Variants in CAND2 observed in about 807,000 individuals in gnomAD.
CAND2 encodes cullin-associated NEDD8-dissociated protein 2.
Under a neutral mutation model 98.9 loss-of-function variants are expected in CAND2, and 62 were observed. The ratio of observed to expected loss-of-function variants is 0.63; its 90% CI spans 0.51 to 0.77. CAND2 has a LOEUF of 0.77. Ranked by LOEUF, CAND2 falls within the 30% of genes least tolerant of loss-of-function variation. The pLI is 0.00. For synonymous variants in CAND2, 770 were observed against 731.9 expected, an observed-to-expected ratio of 1.05 and a Z score of -0.84; for missense variants, 1,501 against 1,655.2, an observed-to-expected ratio of 0.91 and a Z score of 1.62.
rs772112640 is a variant in CAND2 at position 12,816,704 on chromosome 3, C to T, written c.1772C>T (p.Ala591Val). The T allele has an allele frequency of 1.2e-6, 2 of 1,613,550 alleles. No homozygotes were observed. The highest frequency in any genetic ancestry group is 2.7e-5 in the African/African-American group (2 of 74,936). ...CTGGACCAGGAGGTGAAGGAGCGGG[C>T]CATTTCCTGCATGGGCCACCTTGTA... ...TDLDQEVKER[A>V]ISCMGHLVGH... The change falls in exon 10 of 15, where the codon GCC becomes GTC. Residue 591 changes from alanine (A) to valine (V), a missense_variant. Around this residue, in one of 3 missense-constraint regions of CAND2, gnomAD observed 1,427 missense variants for 1,545.3 expected, o/e 0.92. Transcript: ENST00000456430.
chr3:12,816,152 C>T, intron 9 of CAND2, 144 bp downstream of exon 9: 3 of 886,344 alleles, frequency 3.4e-6, no homozygotes, highest in Non-Finnish European at 5.2e-6. Context: ...CCAGTGGCCT[C>T]CCACTACCAG....
chr3:12,816,545 C>T lies in CAND2; in HGVS notation c.1613C>T (p.Ala538Val), dbSNP rs759234744. The change falls in exon 10 of 15, where the codon GCA becomes GTA. Residue 538 changes from alanine (A) to valine (V), a missense_variant. Physicochemically the swap from Ala to Val is moderately conservative, Grantham distance 64 (BLOSUM62 0). Around this residue, in one of 3 missense-constraint regions of CAND2, gnomAD observed 1,427 missense variants for 1,545.3 expected, o/e 0.92. Coordinates refer to ENST00000456430, the MANE Select transcript of CAND2 (RefSeq NM_001162499.2). ...GTGGCTGACTCTTTCTACAAGATTG[C>T]AGCCGAGGCCCTGGTGGTGCTGCAG... ...ACVADSFYKI[A>V]AEALVVLQEL... 1.9e-6 allele frequency: 3 copies of T among 1,613,852 alleles called. No individual in the cohort carries two copies. Among genetic ancestry groups the T allele is most frequent in the African/African-American group, 1.3e-5 (1 of 74,936 alleles).
intron 1 of CAND2, among the ~76,000 whole-genome samples, chr3:12,803,012 C>G (rs1351298286): frequency 8.1e-6 from 1 of 123,962 alleles, no homozygotes; most frequent in Admixed American, 9.2e-5. Flanking sequence ...TTTTTGGAGA[C>G]GGAGTCTCTC....
At position 12,830,103 on chromosome 3, in the gene CAND2, T is replaced by TG. The variant is rs1457917680; in HGVS notation, c.3376-1360dup. 9.9e-5 allele frequency among the ~76,000 whole-genome samples: 15 copies of TG among 152,244 alleles called. No homozygotes were observed. In the East Asian group the frequency reaches 2.7e-3, roughly 27 times the overall value. ...GGCGTGCCTCTGACCACTCCAGACT[T>TG]GGAGTTCCTGGGACGCTCCTTCCTG... On this transcript the variant is annotated intron_variant, in intron 13 of 14. Coordinates refer to ENST00000456430, the MANE Select transcript of CAND2 (RefSeq NM_001162499.2).
In CAND2 at chr3:12,810,871, T is replaced by C. The variant is rs1029146419; in HGVS notation, c.757+547T>C. On this transcript the variant is annotated intron_variant, in intron 5 of 14. Transcript: ENST00000456430. The stretch of plus-strand genomic sequence containing the variant: ...TGTGTATATCCGTGAAACCTTTCCA[T>C]CACCCCCAAAAGCTTCCTTGTGTCC... 1.3e-5 allele frequency among the ~76,000 whole-genome samples: 2 copies of C among 152,248 alleles called. 1 individual carries two copies. Among genetic ancestry groups the C allele is most frequent in the South Asian group, 4.1e-4 (2 of 4,834 alleles).
At position 12,796,774 on chromosome 3, in the gene CAND2, C is replaced by T; in HGVS notation, c.54C>T (p.Ser18=). ...GCCTCCTGGAGAAGATGACGTCCAG[C>T]GACAAGGACTTCAGGTGCAGCCCGC... ...ISSLLEKMTS[S]DKDFRFMATS... is the part of the protein sequence containing the mutation. Residue 18 remains serine (S), a synonymous_variant, in exon 1 of 15, where the codon AGC becomes AGT. Coordinates refer to ENST00000456430, the MANE Select transcript of CAND2 (RefSeq NM_001162499.2). 1.3e-6 allele frequency: 2 copies of T among 1,588,706 alleles called. No homozygotes were observed. The highest frequency in any genetic ancestry group is 3.5e-5 in the Admixed American group (2 of 57,058).
At chr3:12,803,276 G>A (rs2061779923) in intron 1 of CAND2, among the ~76,000 whole-genome samples, 1 of 152,216 alleles carries the variant, frequency 6.6e-6, no homozygotes, top group Non-Finnish European at 1.5e-5. Flanking sequence ...ACAGGCGTGA[G>A]CCATTGCGCC....
Position 12,796,751 on chromosome 3 carries a change from C to T in CAND2, c.31C>T (p.Leu11Phe). 6.3e-7 allele frequency: 1 copy of T among 1,590,280 alleles called. No individual in the cohort carries two copies. Among genetic ancestry groups the T allele is most frequent in the Non-Finnish European group, 8.6e-7 (1 of 1,168,346 alleles). ...CACCGCCGCCTTCCACATCTCCAGC[C>T]TCCTGGAGAAGATGACGTCCAGCGA... MSTAAFHISSLLEKMTSSDKD... is the reference protein window; with the variant it reads MSTAAFHISSFLEKMTSSDKD... The change falls in exon 1 of 15, where the codon CTC becomes TTC. Residue 11 changes from leucine (L) to phenylalanine (F), a missense_variant. By Grantham distance (22) the Leu-to-Phe change is conservative (BLOSUM62 0). This residue lies in a region of CAND2 where 62 missense variants were observed against 77.3 expected (regional missense o/e 0.80). Transcript: ENST00000456430.
At chr3:12,827,077 C>T (rs1290246243) in intron 12 of CAND2, among the ~76,000 whole-genome samples, 2 of 151,986 alleles carry the variant, frequency 1.3e-5, no homozygotes, top group African/African-American at 4.8e-5. Context: ...ATGATCCGCC[C>T]GCCTTGGCCT....
chr3:12,806,941 T>C (rs1185742275), intron 2 of CAND2, among the ~76,000 whole-genome samples: 1 of 151,938 alleles, frequency 6.6e-6, no homozygotes, highest in East Asian at 1.9e-4. Context: ...ATGCACACTA[T>C]CAGGCCACAC....
In CAND2 at chr3:12,799,021, C is replaced by G. The variant is rs543021055; in HGVS notation, c.68+2233C>G. Among the ~76,000 whole-genome samples the G allele has an allele frequency of 2.0e-3, 298 of 152,270 alleles. 1 individual carries two copies. Among genetic ancestry groups the G allele is most frequent in the African/African-American group, 6.6e-3 (276 of 41,560 alleles). On this transcript the variant is annotated intron_variant, in intron 1 of 14. Transcript: ENST00000456430. ...TTATGGGCAGGAGGTGCCCCATTAC[C>G]ACGGAGGCTCCAGCAGTCAAAACGA...
intron 7 of CAND2, 109 bp downstream of exon 7, chr3:12,813,497 A>G: frequency 8.9e-7 from 1 of 1,123,764 alleles, no homozygotes. Context: ...TCCTGATGCC[A>G]GCTCTTTCTC....
intron 2 of CAND2, among the ~76,000 whole-genome samples, chr3:12,804,789 T>G (rs1043882005): frequency 6.6e-6 from 1 of 152,182 alleles, no homozygotes; most frequent in African/African-American, 2.4e-5. Context: ...CTCAAACCAC[T>G]GTCTGTGAGC....
chr3:12,816,832 C>T lies in CAND2; in HGVS notation c.1900C>T (p.Leu634Phe). 1 of 1,613,794 alleles carries T rather than the reference C, an allele frequency of 6.2e-7. No individual in the cohort carries two copies. Among genetic ancestry groups the T allele is most frequent in the Non-Finnish European group, 8.5e-7 (1 of 1,180,042 alleles). ...CACCCGGCTGCCCGCCATCAAGGCG[C>T]TTACGCTGGTGGCCGTATCCCCACT... ...EITRLPAIKA[L>F]TLVAVSPLQL... is the part of the protein sequence containing the mutation. The change falls in exon 10 of 15, where the codon CTT becomes TTT. Residue 634 changes from leucine (L) to phenylalanine (F), a missense_variant. By Grantham distance (22) the Leu-to-Phe change is conservative (BLOSUM62 0). This residue lies in a region of CAND2 where 1,427 missense variants were observed against 1,545.3 expected (regional missense o/e 0.92). Transcript: ENST00000456430.
In CAND2 at chr3:12,815,795, C is replaced by T. The variant is rs2061893958; in HGVS notation, c.1300-72C>T. 1 of 1,465,526 alleles carries T rather than the reference C, an allele frequency of 6.8e-7. No homozygotes were observed. The highest frequency in any genetic ancestry group is 1.2e-5 in the South Asian group (1 of 82,160). 90.8% of individuals were successfully genotyped at this position (1,465,526 alleles called of 1,614,324 possible). A position where few individuals can be genotyped will look rare whatever the true frequency, so the allele number is the denominator to read the frequency against. On this transcript the variant is annotated intron_variant, in intron 8 of 14. Transcript: ENST00000456430. This position sits in a 1 kb window ranked among gnomAD's most constrained non-coding sequence, Gnocchi z 5.7. ...CTCCCTGGGGATGTGTCTGGCAAAG[C>T]CTCCTGGTAGTGGGCAGGTGGGTAG...
At chr3:12,808,514 C>T (rs946217422) in intron 4 of CAND2, among the ~76,000 whole-genome samples, 181 bp downstream of exon 4, 3 of 152,160 alleles carry the variant, frequency 2.0e-5, no homozygotes, top group Admixed American at 1.3e-4. Flanking sequence ...AGAGATGATG[C>T]GGTCAGTAAA....
chr3:12,825,347 A>G lies in CAND2; in HGVS notation c.3041-123A>G. Reference sequence around the variant, plus strand: ...CTGGCACAAAGTAGATGCTCACCACACCCAGCTTACCCCCATTCAGCCAGT... The same window carrying G: ...CTGGCACAAAGTAGATGCTCACCACGCCCAGCTTACCCCCATTCAGCCAGT... On this transcript the variant is annotated intron_variant, in intron 11 of 14. Coordinates refer to ENST00000456430, the MANE Select transcript of CAND2 (RefSeq NM_001162499.2). 7.7e-6 allele frequency: 7 copies of G among 904,606 alleles called. No individual in the cohort carries two copies. The South Asian group carries it at 1.2e-4, about 15-fold the overall frequency. 56.0% of individuals were successfully genotyped at this position (904,606 alleles called of 1,614,324 possible).
At chr3:12,810,508 C>T (rs1476755395) in intron 5 of CAND2, among the ~76,000 whole-genome samples, 184 bp downstream of exon 5, 2 of 151,918 alleles carry the variant, frequency 1.3e-5, no homozygotes, top group Non-Finnish European at 2.9e-5. Context: ...CTGGGGCGGG[C>T]GGCTGAAGCC....
chr3:12,817,630 C>T lies in CAND2; in HGVS notation c.2698C>T (p.Leu900=). The change falls in exon 10 of 15, where the codon CTG becomes TTG. Residue 900 remains leucine (L), a synonymous_variant. Coordinates refer to ENST00000456430, the MANE Select transcript of CAND2 (RefSeq NM_001162499.2). ...AGSLPDFLPF[L]LEQIEAEPRR... Reference sequence around the variant, plus strand: ...CAGCCTGCCCGACTTCCTGCCCTTCCTGCTGGAGCAGATCGAGGCTGAGCC... The same window carrying T: ...CAGCCTGCCCGACTTCCTGCCCTTCTTGCTGGAGCAGATCGAGGCTGAGCC... The T allele has an allele frequency of 6.2e-7, 1 of 1,613,620 alleles. No homozygotes were observed.
Sources: allele counts gnomAD v4.1 joint callset (sites outside exome capture counted in the v4.1 genomes callset), GRCh38; gene constraint gnomAD v4.1.1; regional missense constraint gnomAD v4.1.1; non-coding constraint Gnocchi (gnomAD v3.1); transcripts MANE v1.5; gene names NCBI Gene and HGNC (gene_info 2026-07-23, HGNC 2026-07-21).